Variants in POTEI observed in about 807,000 individuals in gnomAD.
POTEI encodes POTE ankyrin domain family, member I.
A neutral mutation model predicts 43.4 loss-of-function variants in POTEI; 14 were observed. That is an observed-to-expected ratio of 0.32 (90% CI 0.21 to 0.50). The LOEUF is 0.50. Among genes scored for constraint, POTEI ranks in the 20% least tolerant of loss-of-function variants. The pLI, the probability that POTEI is intolerant of heterozygous loss-of-function variation, is 0.98. For missense variants in POTEI, 235 were observed against 795.4 expected (o/e 0.30, Z 8.47); for synonymous variants, 95 against 297.9 (o/e 0.32, Z 7.01).
At chr2:130,464,683 C>G (rs1481156649) in intron 14 of POTEI, among the ~76,000 whole-genome samples, 1 of 151,306 alleles carries the variant, frequency 6.6e-6, no homozygotes, top group Non-Finnish European at 1.5e-5. Context: ...TATTTCTATA[C>G]TCAGTTATAA....
At position 130,505,102 on chromosome 2, in the gene POTEI, C is replaced by G. The variant is rs573658338; in HGVS notation, c.522-1208G>C. On this transcript the variant is annotated intron_variant, in intron 1 of 14. Coordinates refer to ENST00000451531, the MANE Select transcript of POTEI (RefSeq NM_001277406.2). ...CCTCTGATAGGCCCCAGTGTGTGTTCCTTCCCTCTAGGTATCTGTGTGTTC... is the reference window on the plus strand; with the variant it reads ...CCTCTGATAGGCCCCAGTGTGTGTTGCTTCCCTCTAGGTATCTGTGTGTTC... 3.1e-3 allele frequency among the ~76,000 whole-genome samples: 467 copies of G among 149,950 alleles called. 6 individuals carry two copies. Among genetic ancestry groups the G allele is most frequent in the African/African-American group, 8.9e-3 (360 of 40,646 alleles).
intron 9 of POTEI, among the ~76,000 whole-genome samples, chr2:130,482,724 A>G (rs62163611): frequency 0.81 from 115,147 of 142,118 alleles, 46,344 homozygotes; most frequent in East Asian, 0.99. Flanking sequence ...GTTTGTAACT[A>G]AATTTTTTCA....
chr2:130,494,882 A>G (rs1244833633), intron 6 of POTEI, among the ~76,000 whole-genome samples: 6 of 84,908 alleles, frequency 7.1e-5, no homozygotes, highest in African/African-American at 1.8e-4. Context: ...TAAAAAGTAT[A>G]TCATAAACTT....
Position 130,509,292 on chromosome 2 carries a change from A to G in POTEI, c.-57T>C, listed in dbSNP as rs1684276655. The G allele has an allele frequency of 1.3e-6, 1 of 787,978 alleles. No homozygotes were observed. The highest frequency in any genetic ancestry group is 1.9e-6 in the Non-Finnish European group (1 of 527,556). 48.8% of individuals were successfully genotyped at this position (787,978 alleles called of 1,614,324 possible). A position where few individuals can be genotyped will look rare whatever the true frequency, so the allele number is the denominator to read the frequency against. ...AGCGAGCAGATCACGTCTACCAACC[A>G]GTTTCACCAACTAGCAGGTAACTCC... On this transcript the variant is annotated 5_prime_UTR_variant, in exon 1 of 15. Transcript: ENST00000451531.
chr2:130,474,100 A>C (rs1309351310), intron 13 of POTEI, among the ~76,000 whole-genome samples: 12 of 148,398 alleles, frequency 8.1e-5, no homozygotes, highest in African/African-American at 3.1e-4. Flanking sequence ...CTATATAATA[A>C]ACCTGCACAC....
chr2:130,506,398 GTC>G, intron 1 of POTEI, among the ~76,000 whole-genome samples: 1 of 8,672 alleles, frequency 1.2e-4, no homozygotes, highest in South Asian at 0.02. Flanking sequence ...CCACTAAAGT[GTC>G]TGTTTGAAAA....
At chr2:130,492,100 T>G (rs1164133686) in intron 6 of POTEI, among the ~76,000 whole-genome samples, 3 of 56,728 alleles carry the variant, frequency 5.3e-5, no homozygotes, top group African/African-American at 1.5e-4. Context: ...CTCTACATTA[T>G]TCCTCCACAT....
chr2:130,493,545 G>C lies in POTEI; in HGVS notation c.1127-2805C>G, dbSNP rs1255649009. On this transcript the variant is annotated intron_variant, in intron 6 of 14. Transcript: ENST00000451531. ...CATTCCTGCTGACCTGCTGCTCTTT[G>C]CTCTTCAGTATTCACCAGAAAATTT... Among the ~76,000 whole-genome samples the C allele has an allele frequency of 5.2e-4, 22 of 42,324 alleles. 9 individuals are homozygous for C. The highest frequency in any genetic ancestry group is 1.3e-3 in the African/African-American group (22 of 17,006). The allele number at this position is 42,324 out of a possible 152,430, so 27.8% of individuals were successfully genotyped here.
chr2:130,486,905 C>A (rs879619704), intron 9 of POTEI, among the ~76,000 whole-genome samples: 2 of 124,444 alleles, frequency 1.6e-5, no homozygotes, highest in Non-Finnish European at 3.4e-5. Context: ...TATACTGAAA[C>A]GTTTATATTA....
intron 10 of POTEI, among the ~76,000 whole-genome samples, chr2:130,479,198 C>CATAATGTTA: frequency 6.7e-6 from 1 of 148,168 alleles, no homozygotes; most frequent in Non-Finnish European, 1.5e-5. Flanking sequence ...CCCACTGCCA[C>CATAATGTTA]TGGGAACATA....
chr2:130,507,363 CAT>C lies in POTEI; in HGVS notation c.521+1350_521+1351del, dbSNP rs1373923091. 5.3e-4 allele frequency among the ~76,000 whole-genome samples: 27 copies of C among 50,996 alleles called. 1 individual carries two copies. Among genetic ancestry groups the C allele is most frequent in the South Asian group, 1.7e-3 (2 of 1,148 alleles). The allele number at this position is 50,996 out of a possible 152,430, so 33.5% of individuals were successfully genotyped here. A position where few individuals can be genotyped will look rare whatever the true frequency, so the allele number is the denominator to read the frequency against. ...ATATATATGTATATATATACACACA[CAT>C]ATATATGTATATATACATATGTATA... On this transcript the variant is annotated intron_variant, in intron 1 of 14. Coordinates refer to ENST00000451531, the MANE Select transcript of POTEI (RefSeq NM_001277406.2).
chr2:130,477,439 T>C (rs1201427614), intron 10 of POTEI, among the ~76,000 whole-genome samples: 1 of 150,090 alleles, frequency 6.7e-6, no homozygotes, highest in Non-Finnish European at 1.5e-5. Flanking sequence ...ACACCTGGCC[T>C]TATTTTCATC....
chr2:130,491,650 TTTTC>T (rs530909669), intron 6 of POTEI, among the ~76,000 whole-genome samples: 1 of 4,420 alleles, frequency 2.3e-4, no homozygotes, highest in African/African-American at 2.8e-4. Flanking sequence ...TTATTTTCAT[TTTTC>T]TTTCTTTTTT....
At chr2:130,493,013 A>G (rs1683804434) in intron 6 of POTEI, among the ~76,000 whole-genome samples, 1 of 146,468 alleles carries the variant, frequency 6.8e-6, no homozygotes, top group East Asian at 2.1e-4. Context: ...TTTGTTATTT[A>G]TATATTGCTT....
Position 130,461,270 on chromosome 2 carries a change from C to T in POTEI, c.*1546G>A, listed in dbSNP as rs1259980413. On this transcript the variant is annotated 3_prime_UTR_variant, in exon 15 of 15. Transcript: ENST00000451531. ...TGGTCCGCCTCAGACACTCTGAAGC[C>T]CTAAGGCTGAAATGCCTGGGTCGCC... is the stretch of plus-strand genomic sequence containing the variant. The T allele has an allele frequency of 6.6e-6, 1 of 151,908 alleles. No homozygotes were observed. Among genetic ancestry groups the T allele is most frequent in the African/African-American group, 2.4e-5 (1 of 41,244 alleles). The allele number at this position is 151,908 out of a possible 1,614,324, so 9.4% of individuals were successfully genotyped here.
intron 10 of POTEI, among the ~76,000 whole-genome samples, chr2:130,477,159 CTT>C (rs879759124): frequency 1.2e-4 from 17 of 145,106 alleles, no homozygotes; most frequent in Admixed American, 2.7e-4. Flanking sequence ...TTTCTTTTTT[CTT>C]TTTTTTTTTT....
rs1413457333 is a variant in POTEI at position 130,485,829 on chromosome 2, C to T, written c.1409+2203G>A. On this transcript the variant is annotated intron_variant, in intron 9 of 14. Transcript: ENST00000451531. ...GTTGGAGGACTGCTGAAATTGAAGA[C>T]GCCGGTGTGAGATTAAGAGTGAATG... 5.1e-4 allele frequency among the ~76,000 whole-genome samples: 4 copies of T among 7,768 alleles called. 2 individuals are homozygous for T. The highest frequency in any genetic ancestry group is 5.5e-4 in the African/African-American group (4 of 7,210). The allele number at this position is 7,768 out of a possible 152,430, so 5.1% of individuals were successfully genotyped here.
chr2:130,496,996 C>T (rs1368063824), intron 5 of POTEI, among the ~76,000 whole-genome samples: 3 of 35,922 alleles, frequency 8.4e-5, no homozygotes, highest in East Asian at 1.7e-3. Context: ...GACTTTGCTG[C>T]CTTATTTCAC....
intron 6 of POTEI, among the ~76,000 whole-genome samples, chr2:130,492,736 TAAGA>T (rs1683787796): frequency 7.6e-6 from 1 of 130,880 alleles, no homozygotes; most frequent in Non-Finnish European, 1.6e-5. Flanking sequence ...GTCAATTCTA[TAAGA>T]AGTCAGAGAA....
Sources: gnomAD v4.1 joint callset for allele counts (sites outside exome capture counted in the v4.1 genomes callset) on GRCh38, gnomAD v4.1.1 for gene constraint, MANE v1.5 for transcripts, NCBI Gene and HGNC (gene_info 2026-07-23, HGNC 2026-07-21) for gene names.